COLEC12: variants seen among roughly 807,000 people sequenced by gnomAD.
COLEC12 encodes collectin subfamily member 12, also known as collectin-12.
Under a neutral mutation model 71.1 loss-of-function variants are expected in COLEC12, and 33 were observed. That is an observed-to-expected ratio of 0.46 (90% confidence interval 0.35 to 0.62). The LOEUF (loss-of-function observed/expected upper bound fraction) is 0.62. Ranked by LOEUF, COLEC12 falls within the 20% of genes least tolerant of loss-of-function variation. COLEC12 has a pLI of 0.00. For missense variants in COLEC12, 765 were observed against 916.1 expected (o/e 0.84, Z 2.13); for synonymous variants, 350 against 353.0 (o/e 0.99, Z 0.10).
chr18:457,205 C>T (rs1275591630), intron 2 of COLEC12, among the ~76,000 whole-genome samples: 3 of 152,190 alleles, frequency 2.0e-5, no homozygotes, highest in Admixed American at 6.5e-5. Flanking sequence ...ACAGGCCTGA[C>T]TGGGATTATG....
chr18:339,491 G>A (rs1914196881), intron 5 of COLEC12, among the ~76,000 whole-genome samples: 1 of 152,206 alleles, frequency 6.6e-6, no homozygotes, highest in South Asian at 2.1e-4. Context: ...GCACGTTTTT[G>A]CCGTTGATAA....
chr18:456,341 T>C (rs1433708106), intron 2 of COLEC12, among the ~76,000 whole-genome samples: 1 of 152,086 alleles, frequency 6.6e-6, no homozygotes, highest in African/African-American at 2.4e-5. Flanking sequence ...CCCTCGCTGG[T>C]TTAAGAGTGC....
intron 1 of COLEC12, among the ~76,000 whole-genome samples, chr18:484,539 C>A (rs1022463161): frequency 2.0e-5 from 3 of 152,156 alleles, no homozygotes; most frequent in Admixed American, 1.3e-4. Flanking sequence ...CTTCTGACTG[C>A]AATTATACAG....
At chr18:474,374 C>A (rs548603388) in intron 2 of COLEC12, among the ~76,000 whole-genome samples, 2 of 152,180 alleles carry the variant, frequency 1.3e-5, no homozygotes, top group Non-Finnish European at 2.9e-5. Flanking sequence ...TTCTTTCACA[C>A]GACTTTCTCT....
intron 5 of COLEC12, among the ~76,000 whole-genome samples, chr18:337,589 A>C (rs1322219871): frequency 6.6e-6 from 1 of 152,230 alleles, no homozygotes; most frequent in Non-Finnish European, 1.5e-5. Context: ...TATCTGCTCC[A>C]TAAATGGGAG....
intron 7 of COLEC12, among the ~76,000 whole-genome samples, chr18:332,662 C>A (rs1462784449): frequency 6.6e-6 from 1 of 152,134 alleles, no homozygotes; most frequent in Non-Finnish European, 1.5e-5. Flanking sequence ...GTCCCTTGCA[C>A]CCCACTCCAT....
intron 2 of COLEC12, among the ~76,000 whole-genome samples, chr18:478,986 A>G (rs1383235063): frequency 6.6e-6 from 1 of 152,102 alleles, no homozygotes; most frequent in Non-Finnish European, 1.5e-5. Flanking sequence ...ATTTATAAAA[A>G]ATTTTCTCTC....
At chr18:370,763 T>C (rs1914981876) in intron 2 of COLEC12, among the ~76,000 whole-genome samples, 1 of 152,154 alleles carries the variant, frequency 6.6e-6, no homozygotes, top group Non-Finnish European at 1.5e-5. Flanking sequence ...CCCTTCTAAA[T>C]GGTGCCTAGC....
chr18:381,615 C>A (rs1915233112), intron 2 of COLEC12, among the ~76,000 whole-genome samples: 1 of 152,092 alleles, frequency 6.6e-6, no homozygotes, highest in Non-Finnish European at 1.5e-5. Flanking sequence ...TTTGATATGT[C>A]AATTTCAGTT....
rs1046051453 is a variant in COLEC12, at chr18:335,404, G to A, written c.1328-174C>T. Among the ~76,000 whole-genome samples, 5 of 152,102 alleles carry A rather than the reference G, an allele frequency of 3.3e-5. No homozygotes were observed. The South Asian group carries it at 1.0e-3, about 32-fold the overall frequency. On this transcript the variant is annotated intron_variant, in intron 5 of 9. Transcript: ENST00000400256. ...TGTAGACTGTTATGGGCTAAATTAT[G>A]TCCTCCTCCAAATTCTTATGCTGAA...
At chr18:323,808 T>C (rs1361984896) in intron 8 of COLEC12, among the ~76,000 whole-genome samples, 59 of 152,236 alleles carry the variant, frequency 3.9e-4, no homozygotes, top group Admixed American at 3.8e-3. Context: ...TATATAAATA[T>C]GACTTCTTTG....
chr18:339,186 A>T (rs1914188353), intron 5 of COLEC12, among the ~76,000 whole-genome samples: 1 of 152,176 alleles, frequency 6.6e-6, no homozygotes, highest in South Asian at 2.1e-4. Flanking sequence ...AGCTTGTGAC[A>T]GAGTTCCAAA....
At chr18:459,547 A>G (rs1916937372) in intron 2 of COLEC12, among the ~76,000 whole-genome samples, 1 of 152,184 alleles carries the variant, frequency 6.6e-6, no homozygotes, top group South Asian at 2.1e-4. Context: ...GGCATTTATG[A>G]CCATTTTTGT....
chr18:446,430 A>C (rs1198663047), intron 2 of COLEC12, among the ~76,000 whole-genome samples: 1 of 151,758 alleles, frequency 6.6e-6, no homozygotes, highest in Non-Finnish European at 1.5e-5. Flanking sequence ...GGCCAGGCGC[A>C]GTGTCTCATA....
chr18:363,429 A>G (rs569597095), intron 2 of COLEC12, among the ~76,000 whole-genome samples: 11 of 152,320 alleles, frequency 7.2e-5, no homozygotes, highest in Middle Eastern at 3.4e-3. Flanking sequence ...TGTTGCCATA[A>G]AGATCATGTT....
In COLEC12 at chr18:339,032, C is replaced by G. The variant is rs552490070; in HGVS notation, c.1328-3802G>C. 4.8e-5 allele frequency among the ~76,000 whole-genome samples: 7 copies of G among 145,842 alleles called. No homozygotes were observed. In the South Asian group the frequency reaches 1.6e-3, roughly 33 times the overall value. ...TGATAATTTGTGTTTCTCCATCACT[C>G]ACATCTGGGGTTGGTGCTATCCTTG... On this transcript the variant is annotated intron_variant, in intron 5 of 9. Transcript: ENST00000400256.
chr18:440,360 A>AACACACACAC (rs77004542), intron 2 of COLEC12, among the ~76,000 whole-genome samples: 133 of 118,848 alleles, frequency 1.1e-3, no homozygotes, highest in African/African-American at 4.2e-3. Context: ...AAATGTTCTC[A>AACACACACAC]ACACACACAC....
chr18:364,280 T>G (rs554399643), intron 2 of COLEC12, among the ~76,000 whole-genome samples: 3 of 152,348 alleles, frequency 2.0e-5, no homozygotes, highest in Non-Finnish European at 2.9e-5. Context: ...ACGGTCCCAC[T>G]CAGAGTATGC....
chr18:441,398 A>G (rs1916532018), intron 2 of COLEC12, among the ~76,000 whole-genome samples: 4 of 152,110 alleles, frequency 2.6e-5, no homozygotes, highest in Admixed American at 2.6e-4. Flanking sequence ...ACACACTTTG[A>G]GAAACACTGG....
Sources: allele counts gnomAD v4.1 joint callset (sites outside exome capture counted in the v4.1 genomes callset), GRCh38; gene constraint gnomAD v4.1.1; transcripts MANE v1.5; gene names NCBI Gene and HGNC (gene_info 2026-07-23, HGNC 2026-07-21).